The following ZMYND8 variants were observed in gnomAD, a reference collection of about 807,000 sequenced individuals.
ZMYND8 encodes the protein zinc finger MYND-type containing 8, also known as MYND-type zinc finger-containing chromatin reader ZMYND8.
Under a neutral mutation model 140.8 loss-of-function variants are expected in ZMYND8, and 37 were observed. That is an observed-to-expected ratio of 0.26 (90% CI 0.20 to 0.35). The LOEUF is 0.35. ZMYND8 is among the 10% of genes least tolerant of loss of function. The pLI is 1.00. For synonymous variants in ZMYND8, 592 were observed against 597.1 expected (o/e 0.99, Z 0.12); for missense variants, 1,068 against 1,570.0 (o/e 0.68, Z 5.40).
intron 12 of ZMYND8, among the ~76,000 whole-genome samples, chr20:47,258,243 A>C (rs2074901446): frequency 6.6e-6 from 1 of 152,244 alleles, no homozygotes; most frequent in South Asian, 2.1e-4. Flanking sequence ...ATCTCAGCTA[A>C]GAGCTCAAGC....
At chr20:47,233,677 A>G (rs2038844849) in intron 16 of ZMYND8, among the ~76,000 whole-genome samples, 1 of 152,140 alleles carries the variant, frequency 6.6e-6, no homozygotes, top group Non-Finnish European at 1.5e-5. Context: ...TTTGCCATTC[A>G]CTAGCTTGTG....
At chr20:47,252,778 G>T (rs530532462) in intron 12 of ZMYND8, among the ~76,000 whole-genome samples, 78 of 152,196 alleles carry the variant, frequency 5.1e-4, no homozygotes, top group African/African-American at 1.8e-3. Context: ...AATTAGCCAG[G>T]CATGGTGGCA....
At chr20:47,316,084 G>A (rs2079370082) in intron 2 of ZMYND8, among the ~76,000 whole-genome samples, 1 of 152,176 alleles carries the variant, frequency 6.6e-6, no homozygotes, top group African/African-American at 2.4e-5. Context: ...TGTAATCCCA[G>A]CACTTTGGGA....
At chr20:47,290,094 T>A (rs956786687) in intron 7 of ZMYND8, 93 bp downstream of exon 7, 1 of 1,225,696 alleles carries the variant, frequency 8.2e-7, no homozygotes, top group South Asian at 1.4e-5. Context: ...GTATTCTCAA[T>A]ATGAATTAAG....
intron 15 of ZMYND8, among the ~76,000 whole-genome samples, 191 bp from the exon 16 acceptor site, chr20:47,236,707 G>C (rs976969903): frequency 4.6e-5 from 7 of 152,192 alleles, no homozygotes; most frequent in African/African-American, 1.7e-4. Flanking sequence ...GGAAAGACTT[G>C]AGCAAACATT....
chr20:47,221,341 T>C lies in ZMYND8; in HGVS notation c.3390A>G (p.Ser1130=). 2 of 1,614,186 alleles carry C rather than the reference T, an allele frequency of 1.2e-6. No homozygotes were observed. The highest frequency in any genetic ancestry group is 1.7e-6 in the Non-Finnish European group (2 of 1,180,030). Residue 1130 remains serine, a synonymous_variant, in exon 20 of 23, where the codon TCA becomes TCG. Transcript: ENST00000471951. ...TASASKEKET[S]AEKSKESGST... ...AGCCACTCTCCTTGCTTTTCTCAGC[T>C]GACGTCTCCTTCTCTTTGGAGGCGC...
At chr20:47,256,810 T>A (rs1437116200) in intron 12 of ZMYND8, among the ~76,000 whole-genome samples, 1 of 152,142 alleles carries the variant, frequency 6.6e-6, no homozygotes, top group African/African-American at 2.4e-5. Flanking sequence ...GGATGCCTCC[T>A]GTCATTAACA....
chr20:47,291,335 A>G (rs545925524), intron 6 of ZMYND8, among the ~76,000 whole-genome samples: 1 of 152,360 alleles, frequency 6.6e-6, no homozygotes, highest in East Asian at 1.9e-4. Context: ...ATGAACTTTT[A>G]AAACCTTCAG....
intron 11 of ZMYND8, among the ~76,000 whole-genome samples, chr20:47,272,328 C>T (rs1028533385): frequency 4.6e-5 from 7 of 152,218 alleles, no homozygotes; most frequent in South Asian, 2.1e-4. Flanking sequence ...CCGCTTGTCT[C>T]GACCTCCCAA....
intron 4 of ZMYND8, among the ~76,000 whole-genome samples, chr20:47,297,782 T>A (rs2077736969): frequency 6.6e-6 from 1 of 152,172 alleles, no homozygotes; most frequent in South Asian, 2.1e-4. Context: ...GGAGATGACA[T>A]TTTTATTTTC....
intron 2 of ZMYND8, among the ~76,000 whole-genome samples, chr20:47,336,598 T>C (rs1242768012): frequency 6.6e-6 from 1 of 152,238 alleles, no homozygotes; most frequent in African/African-American, 2.4e-5. Context: ...GCGCTTGTTC[T>C]GACTCACGCA....
chr20:47,279,488 C>CTTA (rs1328401252), intron 10 of ZMYND8, among the ~76,000 whole-genome samples: 1 of 146,832 alleles, frequency 6.8e-6, no homozygotes, highest in Non-Finnish European at 1.5e-5. Context: ...AGACCCCCCT[C>CTTA]TTAAATAAAT....
chr20:47,212,829 G>T, intron 21 of ZMYND8, 104 bp from the exon 22 acceptor site: 1 of 988,206 alleles, frequency 1.0e-6, no homozygotes, highest in Non-Finnish European at 1.5e-6. Context: ...ACTGTTATTA[G>T]AACCAGTTGG....
chr20:47,324,201 C>CAAAA (rs60339000), intron 2 of ZMYND8, among the ~76,000 whole-genome samples: 2 of 66,690 alleles, frequency 3.0e-5, no homozygotes. Flanking sequence ...GACTCTGTCT[C>CAAAA]AAAAAAAAAA....
chr20:47,298,762 T>C lies in ZMYND8; in HGVS notation c.420A>G (p.Glu140=). The C allele has an allele frequency of 3.1e-6, 5 of 1,614,002 alleles. No individual in the cohort carries two copies. The highest frequency in any genetic ancestry group is 4.2e-6 in the Non-Finnish European group (5 of 1,179,956). Residue 140 remains glutamate, a synonymous_variant, in exon 4 of 23, where the codon GAA becomes GAG. Coordinates refer to ENST00000471951, the MANE Select transcript of ZMYND8 (RefSeq NM_001281775.3). This position sits in a 1 kb window ranked among gnomAD's most constrained non-coding sequence, Gnocchi z 5.0. ...CAGGACAAAACCAGTCCCCCTCTGG[T>C]TCCGATGTCAGTCTCAGACACTTAG... ...YHAKCLRLTS[E]PEGDWFCPEC...
intron 2 of ZMYND8, among the ~76,000 whole-genome samples, chr20:47,347,134 T>C (rs2082403034): frequency 6.6e-6 from 1 of 152,164 alleles, no homozygotes; most frequent in Non-Finnish European, 1.5e-5. Flanking sequence ...ACCATTAAGT[T>C]TGGAGATGAG....
At chr20:47,310,273 T>G in intron 2 of ZMYND8, 69 bp from the exon 3 acceptor site, 1 of 1,523,314 alleles carries the variant, frequency 6.6e-7, no homozygotes, top group Non-Finnish European at 8.8e-7. Context: ...GGAGGAGGTG[T>G]GGAGGAACCA....
chr20:47,323,227 A>G (rs1416704218), intron 2 of ZMYND8, among the ~76,000 whole-genome samples: 1 of 152,132 alleles, frequency 6.6e-6, no homozygotes. Context: ...AGAAATTTCA[A>G]ACTCATTTCC....
At chr20:47,349,857 C>T in intron 1 of ZMYND8, 1 of 1,535,482 alleles carries the variant, frequency 6.5e-7, no homozygotes, top group South Asian at 1.2e-5. Context: ...CAAAAAAAAC[C>T]CACTTGAAGG....
Sources: gnomAD v4.1 joint callset for allele counts (sites outside exome capture counted in the v4.1 genomes callset) on GRCh38, gnomAD v4.1.1 for gene constraint, Gnocchi (gnomAD v3.1) non-coding constraint, MANE v1.5 for transcripts, NCBI Gene and HGNC (gene_info 2026-07-23, HGNC 2026-07-21) for gene names.